Variants in DCAF8L2 observed in about 807,000 individuals in gnomAD.
DCAF8L2 encodes the protein DDB1 and CUL4 associated factor 8 like 2.
For missense variants in DCAF8L2, 430 were observed against 490.7 expected (o/e 0.88, Z 1.17); for synonymous variants, 200 against 190.9 (o/e 1.05, Z -0.39).
At chrX:27,502,732 C>G in the DCAF8L2 span, among the ~76,000 whole-genome samples, 8 of 110,764 alleles carry the variant, frequency 7.2e-5, no homozygotes, top group Non-Finnish European at 1.3e-4. Context: ...TGTTCTCAAA[C>G]AATACAGAAA....
the DCAF8L2 span, among the ~76,000 whole-genome samples, chrX:27,533,166 GAAAGAAAGAAAGAA>G: frequency 0.026 from 290 of 11,305 alleles, 9 homozygotes; most frequent in African/African-American, 0.041. Flanking sequence ...GAGAGAGAGA[GAAAGAAAGAAAGAA>G]AGAAAGAAAG....
At chrX:27,618,619 C>T (rs1160589984) in intron 1 of DCAF8L2, among the ~76,000 whole-genome samples, 1 of 111,080 alleles carries the variant, frequency 9.0e-6, no homozygotes, top group Non-Finnish European at 1.9e-5. Flanking sequence ...AAAGATGTTC[C>T]TTACTCCAGG....
chrX:27,663,404 A>G (rs1175150566), intron 2 of DCAF8L2, among the ~76,000 whole-genome samples: 1 of 111,890 alleles, frequency 8.9e-6, no homozygotes, highest in Non-Finnish European at 1.9e-5. Flanking sequence ...CATGGACTCA[A>G]TTTGTGTCTC....
the DCAF8L2 span, among the ~76,000 whole-genome samples, chrX:27,516,555 C>G: frequency 9.1e-6 from 1 of 110,409 alleles, no homozygotes; most frequent in Non-Finnish European, 1.9e-5. Context: ...CGACACCCCT[C>G]CAAGATGATA....
the DCAF8L2 span, among the ~76,000 whole-genome samples, chrX:27,492,673 G>A: frequency 9.1e-6 from 1 of 110,237 alleles, no homozygotes; most frequent in Non-Finnish European, 1.9e-5. Flanking sequence ...TAGAGACGGG[G>A]TTTCTCCATG....
intron 2 of DCAF8L2, among the ~76,000 whole-genome samples, chrX:27,665,329 A>C (rs1929704022): frequency 1.8e-5 from 2 of 111,710 alleles, no homozygotes; most frequent in African/African-American, 6.5e-5. Context: ...TAGAAAGAAC[A>C]AGAATTAGAA....
At chrX:27,681,204 TACACACACAC>T (rs750698716) in intron 3 of DCAF8L2, among the ~76,000 whole-genome samples, 4 of 106,685 alleles carry the variant, frequency 3.7e-5, no homozygotes, top group South Asian at 8.1e-4. Context: ...AGAAATTAAA[TACACACACAC>T]ACACACACAC....
chrX:27,507,144 G>C, the DCAF8L2 span, among the ~76,000 whole-genome samples: 1 of 111,320 alleles, frequency 9.0e-6, no homozygotes, highest in Admixed American at 9.6e-5. Context: ...TTGAATTTTT[G>C]TACTCTTCAA....
the DCAF8L2 span, among the ~76,000 whole-genome samples, chrX:27,547,905 C>CTCTCTCTG: frequency 1.0e-5 from 1 of 95,799 alleles, no homozygotes. Flanking sequence ...CTCTCTCTCT[C>CTCTCTCTG]TCTCTCCTGT....
At chrX:27,698,860 C>A (rs760515233) in intron 3 of DCAF8L2, among the ~76,000 whole-genome samples, 1 of 111,742 alleles carries the variant, frequency 8.9e-6, no homozygotes, top group South Asian at 3.7e-4. Flanking sequence ...GTGGGGCAGA[C>A]ACTGTGCAAA....
chrX:27,590,837 T>G (rs1037943182), intron 1 of DCAF8L2, among the ~76,000 whole-genome samples: 21 of 106,998 alleles, frequency 2.0e-4, no homozygotes, highest in Non-Finnish European at 3.9e-4. Context: ...TGAAATGGGG[T>G]CTTGCTTTGT....
intron 2 of DCAF8L2, among the ~76,000 whole-genome samples, chrX:27,641,774 G>T (rs182764190): frequency 9.1e-6 from 1 of 109,995 alleles, no homozygotes; most frequent in Non-Finnish European, 1.9e-5. Context: ...GCCCGGCCAA[G>T]TATGCTGTAT....
chrX:27,736,521 C>T (rs1429484150), intron 4 of DCAF8L2, among the ~76,000 whole-genome samples: 3 of 111,905 alleles, frequency 2.7e-5, no homozygotes, highest in East Asian at 2.8e-4. Context: ...AAAGTATTAC[C>T]GGCATTTTAT....
At chrX:27,586,480 G>A (rs1261652635), upstream of DCAF8L2, among the ~76,000 whole-genome samples, 1 of 111,153 alleles carries the variant, frequency 9.0e-6, no homozygotes, top group Non-Finnish European at 1.9e-5. Context: ...CCAACATAAT[G>A]GTATGGTTTA....
chrX:27,690,036 CT>C (rs1286372875), intron 3 of DCAF8L2, among the ~76,000 whole-genome samples: 1 of 110,964 alleles, frequency 9.0e-6, no homozygotes, highest in African/African-American at 3.3e-5. Flanking sequence ...ATTCAAGAGA[CT>C]TTTTTGGAGG....
chrX:27,621,442 C>T (rs1465086034), intron 1 of DCAF8L2, among the ~76,000 whole-genome samples: 1 of 110,921 alleles, frequency 9.0e-6, no homozygotes, highest in Non-Finnish European at 1.9e-5. Context: ...AAGCAAAATC[C>T]TGATAACCTA....
the DCAF8L2 span, among the ~76,000 whole-genome samples, chrX:27,567,887 G>A: frequency 1.8e-5 from 2 of 110,243 alleles, no homozygotes; most frequent in Non-Finnish European, 3.8e-5. Flanking sequence ...TTATCATGCT[G>A]ATTAAAGATT....
upstream of DCAF8L2, among the ~76,000 whole-genome samples, chrX:27,587,985 A>AAAATAT: frequency 8.9e-5 from 2 of 22,362 alleles, no homozygotes; most frequent in Non-Finnish European, 2.3e-4. Context: ...TAAAAAAAAA[A>AAAATAT]ATATATATAT....
chrX:27,664,818 GA>G (rs202019003), intron 2 of DCAF8L2, among the ~76,000 whole-genome samples: 2 of 109,979 alleles, frequency 1.8e-5, no homozygotes, highest in African/African-American at 6.6e-5. Flanking sequence ...CCTATAAATA[GA>G]AAAAAAAGCC....
Sources: gnomAD v4.1 joint callset for allele counts (sites outside exome capture counted in the v4.1 genomes callset) on GRCh38, gnomAD v4.1.1 for gene constraint, MANE v1.5 for transcripts, NCBI Gene and HGNC (gene_info 2026-07-23, HGNC 2026-07-21) for gene names.